Variants in RELN observed in about 807,000 individuals in gnomAD.
RELN encodes reelin.
In RELN, 108 loss-of-function variants were observed where a neutral mutation model predicts 427.6. The observed-to-expected ratio is 0.25, with a 90% confidence interval of 0.22 to 0.30. The LOEUF (loss-of-function observed/expected upper bound fraction) is 0.30. RELN is among the 10% of genes least tolerant of loss of function. The probability of loss-of-function intolerance (pLI) is 1.00; values close to 1 mark genes in which losing one functional copy is unlikely to be tolerated. For missense variants in RELN, 3,715 were observed against 4,302.8 expected (o/e 0.86, Z 3.82); for synonymous variants, 1,524 against 1,513.4 (o/e 1.01, Z -0.16).
intron 2 of RELN, among the ~76,000 whole-genome samples, chr7:103,843,324 C>G (rs1414332814): frequency 1.3e-5 from 2 of 152,066 alleles, no homozygotes; most frequent in Middle Eastern, 3.2e-3. Flanking sequence ...CCCACCTCAG[C>G]CTCCTGAGTA....
At chr7:103,702,421 G>A (rs1170010921) in intron 8 of RELN, among the ~76,000 whole-genome samples, 7 of 152,034 alleles carry the variant, frequency 4.6e-5, no homozygotes, top group Admixed American at 1.3e-4. Context: ...CTCTGAAAAA[G>A]GAAAGCATTC....
rs1346139437 is a variant in RELN at position 103,687,951 on chromosome 7, A to G, written c.1144-5690T>C. Among the ~76,000 whole-genome samples the G allele has an allele frequency of 2.0e-5, 3 of 152,088 alleles. No homozygotes were observed. The East Asian group carries it at 5.8e-4, about 29-fold the overall frequency. On this transcript the variant is annotated intron_variant, in intron 10 of 64. Coordinates refer to ENST00000428762, the MANE Select transcript of RELN (RefSeq NM_005045.4). ...ATTAATTACTGTACAAATAGGCCTCATTGGGGGGAATTGTGAAAAGCACAC... is the reference window on the plus strand; with the variant it reads ...ATTAATTACTGTACAAATAGGCCTCGTTGGGGGGAATTGTGAAAAGCACAC...
Position 103,498,173 on chromosome 7 carries a change from G to C in RELN, c.8747C>G (p.Thr2916Ser). ...GTCCTCGGCAAGAATTCCACACTCAGTGCAAGTACTTCCACCTTCTAAGGA... is the reference window on the plus strand; with the variant it reads ...GTCCTCGGCAAGAATTCCACACTCACTGCAAGTACTTCCACCTTCTAAGGA... ...WMSLEGGSTC[T>S]ECGILAEDTA... The change falls in exon 54 of 65, where the codon ACT (threonine) becomes AGT (serine). Residue 2916 changes from threonine (T) to serine (S), a missense_variant. Coordinates refer to ENST00000428762, the MANE Select transcript of RELN (RefSeq NM_005045.4). The C allele has an allele frequency of 6.2e-7, 1 of 1,613,968 alleles. No homozygotes were observed. Among genetic ancestry groups the C allele is most frequent in the Non-Finnish European group, 8.5e-7 (1 of 1,179,880 alleles).
At chr7:103,800,718 A>G (rs1430834868) in intron 3 of RELN, among the ~76,000 whole-genome samples, 1 of 152,242 alleles carries the variant, frequency 6.6e-6, no homozygotes, top group Non-Finnish European at 1.5e-5. Flanking sequence ...ACAAAAGCCA[A>G]AATTGACAAA....
intron 28 of RELN, among the ~76,000 whole-genome samples, chr7:103,577,943 T>C (rs558494634): frequency 1.3e-5 from 2 of 152,302 alleles, no homozygotes; most frequent in African/African-American, 4.8e-5. Flanking sequence ...AGCTTCAGGC[T>C]CTCTCACCTG....
chr7:103,508,887 C>T (rs1175700672), intron 51 of RELN, among the ~76,000 whole-genome samples: 1 of 152,130 alleles, frequency 6.6e-6, no homozygotes, highest in African/African-American at 2.4e-5. Flanking sequence ...TGAGTGAACT[C>T]CCATTCACAA....
intron 3 of RELN, among the ~76,000 whole-genome samples, chr7:103,783,164 CTTTTT>C (rs34257358): frequency 9.1e-6 from 1 of 109,328 alleles, no homozygotes; most frequent in Non-Finnish European, 2.1e-5. Flanking sequence ...CTCTTTCTTT[CTTTTT>C]TTTTTTTTTT....
Position 103,491,982 on chromosome 7 carries a change from G to A in RELN, c.9414C>T (p.Ser3138=), listed in dbSNP as rs375427974. 6.0e-5 allele frequency: 96 copies of A among 1,612,094 alleles called. No individual in the cohort carries two copies. Among genetic ancestry groups the A allele is most frequent in the Admixed American group, 2.3e-4 (14 of 59,856 alleles). ...CEATSCGDLH[S]VMLEYTKDAR... Reference sequence around the variant, plus strand: ...CATCCTTAGTGTATTCCAGCATTACGGAATGAAGGTCACCACAAGAAGTGG... The same window carrying A: ...CATCCTTAGTGTATTCCAGCATTACAGAATGAAGGTCACCACAAGAAGTGG... The change falls in exon 58 of 65, where the codon TCC becomes TCT. Residue 3138 remains serine (S), a synonymous_variant. Coordinates refer to ENST00000428762, the MANE Select transcript of RELN (RefSeq NM_005045.4).
chr7:103,777,119 T>G (rs1380728447), intron 3 of RELN, among the ~76,000 whole-genome samples: 2 of 152,188 alleles, frequency 1.3e-5, no homozygotes, highest in African/African-American at 4.8e-5. Flanking sequence ...GCTTTCATAA[T>G]AAAATCTGTC....
At chr7:103,695,474 C>T (rs1026211547) in intron 10 of RELN, among the ~76,000 whole-genome samples, 3 of 151,940 alleles carry the variant, frequency 2.0e-5, no homozygotes, top group African/African-American at 7.3e-5. Context: ...GATGAGGGAC[C>T]ACAAAGCAAA....
Position 103,509,861 on chromosome 7 carries a change from A to G in RELN, c.8274+990T>C, listed in dbSNP as rs147026955. Among the ~76,000 whole-genome samples, 255 of 152,352 alleles carry G rather than the reference A, an allele frequency of 1.7e-3. 1 individual carries two copies. The highest frequency in any genetic ancestry group is 5.9e-3 in the African/African-American group (245 of 41,574). On this transcript the variant is annotated intron_variant, in intron 51 of 64. Coordinates refer to ENST00000428762, the MANE Select transcript of RELN (RefSeq NM_005045.4). ...GAACAGACACTTCTCAAAAGAAGAC[A>G]TTTATGTGGCCAACAAACTTGAAAA...
intron 24 of RELN, among the ~76,000 whole-genome samples, chr7:103,598,390 T>C (rs1247626280): frequency 2.0e-5 from 3 of 152,188 alleles, no homozygotes; most frequent in Non-Finnish European, 4.4e-5. Flanking sequence ...ATCCTAGCAT[T>C]TTCAACCCTC....
Position 103,682,102 on chromosome 7 carries a change from T to C in RELN, c.1289+14A>G, listed in dbSNP as rs1410675095. 3 of 1,612,470 alleles carry C rather than the reference T, an allele frequency of 1.9e-6. No homozygotes were observed. The highest frequency in any genetic ancestry group is 1.7e-5 in the Admixed American group (1 of 60,022). On this transcript the variant is annotated intron_variant, in intron 11 of 64. Transcript: ENST00000428762. ...AGTGCTACATACACAGCATGGGAGA[T>C]AGCAATTACTTACCCTGTAGGCTGG... is the stretch of plus-strand genomic sequence containing the variant.
At chr7:103,593,995 A>T in intron 26 of RELN, 113 bp from the exon 27 acceptor site, 1 of 827,340 alleles carries the variant, frequency 1.2e-6, no homozygotes, top group Admixed American at 2.3e-5. Flanking sequence ...TTCTAGGAAA[A>T]CACAGAAGAA....
intron 1 of RELN, among the ~76,000 whole-genome samples, chr7:103,975,521 A>T (rs1034629849): frequency 1.5e-5 from 2 of 130,866 alleles, no homozygotes; most frequent in African/African-American, 5.7e-5. Flanking sequence ...AGCAGTATTT[A>T]TTTATTTATT....
intron 6 of RELN, among the ~76,000 whole-genome samples, chr7:103,746,187 A>T (rs1054170567): frequency 8.5e-5 from 13 of 152,194 alleles, no homozygotes; most frequent in African/African-American, 3.1e-4. Flanking sequence ...TATTTAATAA[A>T]TGGTGCTGGG....
chr7:103,877,234 G>T (rs1485284746), intron 2 of RELN, among the ~76,000 whole-genome samples: 1 of 152,084 alleles, frequency 6.6e-6, no homozygotes, highest in Non-Finnish European at 1.5e-5. Context: ...ATGGAAAACA[G>T]TTCATTTCCA....
intron 3 of RELN, among the ~76,000 whole-genome samples, chr7:103,780,304 T>C (rs1333087649): frequency 5.9e-5 from 9 of 152,246 alleles, no homozygotes; most frequent in Non-Finnish European, 1.3e-4. Context: ...AAATGCTTAT[T>C]GGCATATATT....
At chr7:103,763,488 A>T (rs1791352808) in intron 4 of RELN, among the ~76,000 whole-genome samples, 2 of 152,216 alleles carry the variant, frequency 1.3e-5, no homozygotes, top group Admixed American at 1.3e-4. Context: ...GGTAAACTAA[A>T]TTCAGTTAGC....
Sources: gnomAD v4.1 joint callset for allele counts (sites outside exome capture counted in the v4.1 genomes callset) on GRCh38, gnomAD v4.1.1 for gene constraint, MANE v1.5 for transcripts, NCBI Gene and HGNC (gene_info 2026-07-23, HGNC 2026-07-21) for gene names.